Variants in ST6GALNAC3 observed in about 807,000 individuals in gnomAD.
ST6GALNAC3 encodes the protein ST6 N-acetylgalactosaminide alpha-2,6-sialyltransferase 3.
A neutral mutation model predicts 32.7 loss-of-function variants in ST6GALNAC3; 25 were observed. That is an observed-to-expected ratio of 0.76 (90% CI 0.56 to 1.07). ST6GALNAC3 has a LOEUF of 1.07. ST6GALNAC3 is among the 50% of genes least tolerant of loss of function. The pLI is 0.00. For missense variants in ST6GALNAC3, 355 were observed against 382.4 expected (o/e 0.93, Z 0.60); for synonymous variants, 129 against 133.1 (o/e 0.97, Z 0.21).
At chr1:76,589,610 T>C (rs972416070) in intron 3 of ST6GALNAC3, among the ~76,000 whole-genome samples, 2 of 151,976 alleles carry the variant, frequency 1.3e-5, no homozygotes, top group African/African-American at 4.8e-5. Context: ...ATTAATATGA[T>C]GCAACATGTC....
intron 2 of ST6GALNAC3, among the ~76,000 whole-genome samples, chr1:76,363,477 C>T (rs75401227): frequency 0.078 from 11,868 of 152,240 alleles, 537 homozygotes; most frequent in Middle Eastern, 0.11. Flanking sequence ...TCGGAAGTTC[C>T]AAACATTCCC....
At chr1:76,573,414 T>G (rs1646743548) in intron 3 of ST6GALNAC3, among the ~76,000 whole-genome samples, 1 of 152,014 alleles carries the variant, frequency 6.6e-6, no homozygotes, top group South Asian at 2.1e-4. Context: ...GTGTTCTTAT[T>G]TCTGAGGGAG....
intron 2 of ST6GALNAC3, among the ~76,000 whole-genome samples, chr1:76,366,212 A>G (rs1650358061): frequency 6.6e-6 from 1 of 152,204 alleles, no homozygotes; most frequent in East Asian, 1.9e-4. Context: ...AATTTCTCCA[A>G]TGTACCCTTG....
intron 3 of ST6GALNAC3, among the ~76,000 whole-genome samples, chr1:76,548,440 T>A (rs979413661): frequency 6.6e-5 from 10 of 152,284 alleles, no homozygotes; most frequent in African/African-American, 2.2e-4. Flanking sequence ...GCTCTCTGCT[T>A]CATCTCATAC....
At chr1:76,602,944 GA>G (rs1452003843) in intron 3 of ST6GALNAC3, among the ~76,000 whole-genome samples, 2 of 151,978 alleles carry the variant, frequency 1.3e-5, no homozygotes, top group Non-Finnish European at 1.5e-5. Flanking sequence ...GCATTTCACA[GA>G]AGAAGAAACA....
At chr1:76,473,253 C>T (rs1374126829) in intron 3 of ST6GALNAC3, among the ~76,000 whole-genome samples, 1 of 152,102 alleles carries the variant, frequency 6.6e-6, no homozygotes, top group Non-Finnish European at 1.5e-5. Context: ...ACAGCAGTAA[C>T]TCCTAGAGAC....
At chr1:76,386,509 C>T (rs921825426) in intron 2 of ST6GALNAC3, among the ~76,000 whole-genome samples, 4 of 152,178 alleles carry the variant, frequency 2.6e-5, no homozygotes, top group Admixed American at 2.0e-4. Context: ...GCAAGCTTTT[C>T]AAATGTGCTC....
intron 3 of ST6GALNAC3, among the ~76,000 whole-genome samples, chr1:76,499,921 T>A (rs1219207471): frequency 1.3e-5 from 2 of 152,066 alleles, no homozygotes; most frequent in African/African-American, 4.8e-5. Flanking sequence ...TAAAGCATGG[T>A]GAATTTCTAA....
intron 1 of ST6GALNAC3, among the ~76,000 whole-genome samples, chr1:76,128,058 A>T (rs1649369580): frequency 6.6e-6 from 1 of 152,262 alleles, no homozygotes; most frequent in East Asian, 1.9e-4. Flanking sequence ...GGTGGGGATT[A>T]TCAACCTGTG....
intron 1 of ST6GALNAC3, among the ~76,000 whole-genome samples, chr1:76,194,241 G>T (rs10493586): frequency 6.6e-6 from 1 of 152,038 alleles, no homozygotes; most frequent in East Asian, 1.9e-4. Flanking sequence ...TATACTTTCT[G>T]TTTGGAAGAA....
chr1:76,112,641 G>A (rs559387249), intron 1 of ST6GALNAC3, among the ~76,000 whole-genome samples: 2 of 149,582 alleles, frequency 1.3e-5, no homozygotes, highest in East Asian at 4.0e-4. Context: ...GCTGGGCGGA[G>A]GGGCTCCTCA....
At chr1:76,397,456 G>A (rs1388509142) in intron 2 of ST6GALNAC3, among the ~76,000 whole-genome samples, 3 of 139,688 alleles carry the variant, frequency 2.1e-5, no homozygotes, top group South Asian at 2.3e-4. Flanking sequence ...TGCAACCTCC[G>A]CCTCCTTGGT....
intron 3 of ST6GALNAC3, chr1:76,577,230 G>C: frequency 9.9e-7 from 1 of 1,013,024 alleles, no homozygotes; most frequent in Non-Finnish European, 1.2e-6. Context: ...CCATTTCTCT[G>C]TTTTGATTAC....
At chr1:76,200,171 T>C (rs921898157) in intron 1 of ST6GALNAC3, among the ~76,000 whole-genome samples, 6 of 152,206 alleles carry the variant, frequency 3.9e-5, no homozygotes, top group South Asian at 4.1e-4. Context: ...TGGGCATCTA[T>C]TCCAAGTTAT....
intron 1 of ST6GALNAC3, among the ~76,000 whole-genome samples, chr1:76,138,345 A>T (rs1650078141): frequency 6.6e-6 from 1 of 152,134 alleles, no homozygotes; most frequent in African/African-American, 2.4e-5. Flanking sequence ...TATTTCCTTG[A>T]AAGTTTTTTT....
intron 1 of ST6GALNAC3, among the ~76,000 whole-genome samples, chr1:76,209,972 C>T (rs1655048445): frequency 6.6e-6 from 1 of 152,186 alleles, no homozygotes; most frequent in Admixed American, 6.5e-5. Context: ...GGGCTCCAAC[C>T]AGCCAGTTTC....
chr1:76,110,178 T>C (rs1489820152), intron 1 of ST6GALNAC3, among the ~76,000 whole-genome samples: 1 of 152,224 alleles, frequency 6.6e-6, no homozygotes, highest in East Asian at 1.9e-4. Context: ...AGAACTCTCA[T>C]ATTTTCCACA....
intron 1 of ST6GALNAC3, among the ~76,000 whole-genome samples, chr1:76,149,087 G>A (rs1650877845): frequency 6.6e-6 from 1 of 152,212 alleles, no homozygotes; most frequent in African/African-American, 2.4e-5. Flanking sequence ...GGAGCACAGT[G>A]TATGGCACCT....
intron 1 of ST6GALNAC3, among the ~76,000 whole-genome samples, chr1:76,308,826 T>C (rs1294269608): frequency 2.0e-5 from 3 of 152,224 alleles, no homozygotes; most frequent in African/African-American, 7.2e-5. Flanking sequence ...CCTTTCATTA[T>C]CCTAATGTAG....
Sources: gnomAD v4.1 joint callset for allele counts (sites outside exome capture counted in the v4.1 genomes callset) on GRCh38, gnomAD v4.1.1 for gene constraint, MANE v1.5 for transcripts, NCBI Gene and HGNC (gene_info 2026-07-23, HGNC 2026-07-21) for gene names.